Variants in LRTM3 observed in about 807,000 individuals in gnomAD.
LRTM3 encodes leucine-rich repeat transmembrane protein 3.
At chr13:102,732,343 G>T in the LRTM3 span, 6 of 1,551,244 alleles carry the variant, frequency 3.9e-6, no homozygotes, top group Admixed American at 7.8e-5. Flanking sequence ...TCTTTCTATT[G>T]CTTGGTGTAC....
chr13:102,734,062 T>C, the LRTM3 span: 1 of 1,551,482 alleles, frequency 6.4e-7, no homozygotes, highest in African/African-American at 1.4e-5. Context: ...GAACCACACA[T>C]GCTTCATCTT....
chr13:102,738,438 C>T, the LRTM3 span: 2 of 1,550,772 alleles, frequency 1.3e-6, no homozygotes, highest in South Asian at 2.4e-5. Flanking sequence ...GAAGCGCAGG[C>T]ATTTGTCAGA....
chr13:102,742,344 T>C, the LRTM3 span: 1 of 1,548,438 alleles, frequency 6.5e-7, no homozygotes, highest in Non-Finnish European at 8.7e-7. Flanking sequence ...TCTTTATGTC[T>C]TATGATTTTA....
chr13:102,734,667 C>T, the LRTM3 span: 5 of 1,551,064 alleles, frequency 3.2e-6, no homozygotes, highest in Non-Finnish European at 4.4e-6. Context: ...TCTCTATGTA[C>T]AGTCTCCCCT....
the LRTM3 span, among the ~76,000 whole-genome samples, chr13:102,756,695 ACAAAAAAAC>A: frequency 8.8e-5 from 8 of 91,202 alleles, no homozygotes; most frequent in African/African-American, 3.4e-4. Context: ...AAAAAAAAAA[ACAAAAAAAC>A]AAAAAGAGGC....
the LRTM3 span, chr13:102,731,313 T>C: frequency 6.4e-7 from 1 of 1,551,450 alleles, no homozygotes; most frequent in Non-Finnish European, 8.7e-7. Flanking sequence ...GTTTTATGTC[T>C]AGAATAGAAC....
chr13:102,733,389 C>G, the LRTM3 span: 1 of 1,551,302 alleles, frequency 6.4e-7, no homozygotes, highest in Non-Finnish European at 8.7e-7. Context: ...TCTGGAGATA[C>G]TTTCGATGAA....
the LRTM3 span, chr13:102,731,278 C>A: frequency 6.4e-7 from 1 of 1,551,278 alleles, no homozygotes; most frequent in Non-Finnish European, 8.7e-7. Flanking sequence ...TGGTATCAGT[C>A]CCTTCTAGAG....
At chr13:102,745,050 A>G in the LRTM3 span, 1 of 1,550,848 alleles carries the variant, frequency 6.4e-7, no homozygotes, top group Non-Finnish European at 8.7e-7. Flanking sequence ...GTCTGGAGGC[A>G]TTTCTTTGTC....
the LRTM3 span, chr13:102,733,905 T>G: frequency 1.4e-5 from 22 of 1,551,150 alleles, no homozygotes; most frequent in Non-Finnish European, 1.8e-5. Context: ...GAGTCTCTAT[T>G]TGTTATTTTC....
the LRTM3 span, chr13:102,744,523 G>T: frequency 1.3e-6 from 2 of 1,550,398 alleles, no homozygotes. Context: ...GTTTCATCAT[G>T]TATCCAGAAA....
the LRTM3 span, chr13:102,735,614 T>C: frequency 6.4e-7 from 1 of 1,550,998 alleles, no homozygotes; most frequent in Admixed American, 2.0e-5. Flanking sequence ...GTCTGTACAT[T>C]TGGGGAGCAT....
At chr13:102,733,433 G>C in the LRTM3 span, 1 of 1,551,268 alleles carries the variant, frequency 6.4e-7, no homozygotes, top group Non-Finnish European at 8.7e-7. Flanking sequence ...CTCTGAAACA[G>C]AAAATCCTTT....
the LRTM3 span, among the ~76,000 whole-genome samples, chr13:102,755,139 G>T: frequency 6.6e-6 from 1 of 152,016 alleles, no homozygotes; most frequent in Non-Finnish European, 1.5e-5. Flanking sequence ...ACTGAGTGGT[G>T]GTCTCATCCT....
At chr13:102,732,996 T>A in the LRTM3 span, 1 of 1,551,450 alleles carries the variant, frequency 6.4e-7, no homozygotes, top group Non-Finnish European at 8.7e-7. Flanking sequence ...AATGCCTGCT[T>A]CCTTCCCCCT....
At chr13:102,746,880 A>C in the LRTM3 span, 3 of 1,551,300 alleles carry the variant, frequency 1.9e-6, no homozygotes, top group Non-Finnish European at 2.6e-6. Context: ...GTGCATTTGC[A>C]GTCTGTTTGT....
At chr13:102,731,821 T>G in the LRTM3 span, 1 of 1,549,604 alleles carries the variant, frequency 6.5e-7, no homozygotes, top group Non-Finnish European at 8.7e-7. Flanking sequence ...TCTGATCCCT[T>G]TGCTTGGGTA....
the LRTM3 span, chr13:102,732,905 G>A: frequency 1.3e-6 from 2 of 1,551,402 alleles, no homozygotes; most frequent in South Asian, 1.2e-5. Flanking sequence ...CAGATCCCCT[G>A]ATTGAAATTG....
the LRTM3 span, chr13:102,758,682 A>T: frequency 2.0e-6 from 3 of 1,523,178 alleles, no homozygotes; most frequent in South Asian, 3.7e-5. Flanking sequence ...GAAAAGGGGA[A>T]ATCAACCATT....
Sources: gnomAD v4.1 joint callset for allele counts (sites outside exome capture counted in the v4.1 genomes callset) on GRCh38, gnomAD v4.1.1 for gene constraint, MANE v1.5 for transcripts, NCBI Gene and HGNC (gene_info 2026-07-23, HGNC 2026-07-21) for gene names.